PFKM: variants seen among roughly 807,000 people sequenced by gnomAD.
The protein encoded by PFKM is phosphofructokinase, muscle.
PFKM carries 58 observed loss-of-function variants against 95.5 expected under a neutral mutation model. That is an observed-to-expected ratio of 0.61 (90% CI 0.49 to 0.76). The LOEUF is 0.76. PFKM is among the 30% of genes least tolerant of loss of function. PFKM has a pLI of 0.00. For synonymous variants in PFKM, 336 were observed against 357.2 expected, an observed-to-expected ratio of 0.94 and a Z score of 0.67; for missense variants, 678 against 1,005.4, an observed-to-expected ratio of 0.67 and a Z score of 4.40.
chr12:48,107,574 G>A (rs1335100155), intron 2 of PFKM: 2 of 683,270 alleles, frequency 2.9e-6, no homozygotes, highest in Non-Finnish European at 5.2e-6. Context: ...AACTGACCTT[G>A]TTTATCACAT....
intron 2 of PFKM, among the ~76,000 whole-genome samples, chr12:48,126,569 T>A (rs1307243900): frequency 6.6e-6 from 1 of 152,220 alleles, no homozygotes; most frequent in Non-Finnish European, 1.5e-5. Context: ...TGTTGTTTGC[T>A]TTTGTACTGA....
chr12:48,114,978 G>T (rs986232475), upstream of PFKM, among the ~76,000 whole-genome samples: 12 of 152,152 alleles, frequency 7.9e-5, no homozygotes, highest in Admixed American at 2.6e-4. Context: ...AGGGTGGAAG[G>T]TTGCCCATAG....
At chr12:48,133,991 G>A (rs941277659) in intron 6 of PFKM, among the ~76,000 whole-genome samples, 4 of 152,062 alleles carry the variant, frequency 2.6e-5, no homozygotes, top group African/African-American at 7.3e-5. Context: ...TCCCTGACCC[G>A]GTTCCTCCCT....
chr12:48,123,944 A>G (rs549667653), intron 2 of PFKM, among the ~76,000 whole-genome samples: 20 of 152,332 alleles, frequency 1.3e-4, no homozygotes, highest in African/African-American at 4.3e-4. Flanking sequence ...TGAACTCTTT[A>G]TTTAAGTAAG....
chr12:48,117,669 T>C (rs182373611), upstream of PFKM, among the ~76,000 whole-genome samples: 19 of 152,346 alleles, frequency 1.2e-4, no homozygotes, highest in Middle Eastern at 3.4e-3. Flanking sequence ...AGGTATTTTC[T>C]TTTTATTGTC....
intron 2 of PFKM, chr12:48,125,398 G>C: frequency 2.3e-6 from 1 of 434,344 alleles, no homozygotes; most frequent in Non-Finnish European, 4.6e-6. Context: ...GAGGCGGGCA[G>C]ATCACCCGAG....
intron 2 of PFKM, 106 bp downstream of exon 2, chr12:48,122,965 G>A (rs1948439257): frequency 1.7e-6 from 2 of 1,173,600 alleles, no homozygotes. Context: ...CGGGAATTTT[G>A]GGCTTTGCTA....
chr12:48,144,718 AG>A lies in PFKM; in HGVS notation c.1993-309del, dbSNP rs199644610. Reference sequence around the variant, plus strand: ...ATCAACAAAAGCTGCTGGGCTGAAGAGGGGCAGGCAGCTGACCCATTGGCCA... The same window carrying A: ...ATCAACAAAAGCTGCTGGGCTGAAGAGGGCAGGCAGCTGACCCATTGGCCA... On this transcript the variant is annotated intron_variant, in intron 20 of 22. Transcript: ENST00000359794. Among the ~76,000 whole-genome samples the A allele has an allele frequency of 4.3e-3, 649 of 152,350 alleles. 4 individuals are homozygous for A. Among genetic ancestry groups the A allele is most frequent in the Non-Finnish European group, 6.0e-3 (411 of 68,028 alleles).
chr12:48,115,970 A>T (rs914794657), upstream of PFKM, among the ~76,000 whole-genome samples: 3 of 152,168 alleles, frequency 2.0e-5, no homozygotes, highest in Admixed American at 1.3e-4. Flanking sequence ...GGAATTGCTA[A>T]TTAATATGAT....
At chr12:48,106,360 T>C (rs1176829903) in intron 1 of PFKM, 1 of 490,410 alleles carries the variant, frequency 2.0e-6, no homozygotes, top group Non-Finnish European at 3.6e-6. Context: ...TCTGCTCCCT[T>C]ACCCGCCGCC....
intron 3 of PFKM, among the ~76,000 whole-genome samples, chr12:48,111,953 T>C (rs1027918015): frequency 1.3e-5 from 2 of 151,984 alleles, no homozygotes; most frequent in Non-Finnish European, 1.5e-5. Context: ...GAGTTGAGCA[T>C]AGTTTGTGAT....
chr12:48,142,127 G>T, intron 17 of PFKM, 61 bp downstream of exon 17: 1 of 1,498,006 alleles, frequency 6.7e-7, no homozygotes, highest in Non-Finnish European at 9.3e-7. Context: ...TAAACTGAGT[G>T]TGGTCCCAAA....
Position 48,145,442 on chromosome 12 carries a change from T to A in PFKM, c.2199-122T>A. The stretch of plus-strand genomic sequence containing the variant: ...AGTAACACCTGTATTCTTACCCATT[T>A]CAGATGTGATGCACATGTCCTAAAT... On this transcript the variant is annotated intron_variant, in intron 22 of 22. Transcript: ENST00000359794. The surrounding 1 kb of genome is among the most constrained non-coding windows in gnomAD (Gnocchi z 4.3). 7.7e-7 allele frequency: 1 copy of A among 1,306,004 alleles called. No individual in the cohort carries two copies. Among genetic ancestry groups the A allele is most frequent in the Middle Eastern group, 1.8e-4 (1 of 5,414 alleles). The allele number at this position is 1,306,004 out of a possible 1,614,324, so 80.9% of individuals were successfully genotyped here. A position where few individuals can be genotyped will look rare whatever the true frequency, so the allele number is the denominator to read the frequency against.
At chr12:48,139,998 A>G (rs1284649191) in intron 13 of PFKM, 86 bp downstream of exon 13, 3 of 895,758 alleles carry the variant, frequency 3.3e-6, no homozygotes, top group African/African-American at 3.3e-5. Flanking sequence ...TCCATACAAC[A>G]TAAGCCTTGC....
At chr12:48,109,222 A>G (rs1344140326) in intron 3 of PFKM, among the ~76,000 whole-genome samples, 1 of 152,242 alleles carries the variant, frequency 6.6e-6, no homozygotes, top group Non-Finnish European at 1.5e-5. Context: ...GTAGGGTTCA[A>G]AATAACTTTG....
At chr12:48,109,519 T>C (rs939869241) in intron 3 of PFKM, among the ~76,000 whole-genome samples, 8 of 152,210 alleles carry the variant, frequency 5.3e-5, no homozygotes, top group Non-Finnish European at 1.0e-4. Flanking sequence ...GATTATTTCT[T>C]ATTTGCCCTC....
At chr12:48,129,557 G>A (rs968533950) in intron 2 of PFKM, among the ~76,000 whole-genome samples, 1 of 152,182 alleles carries the variant, frequency 6.6e-6, no homozygotes, top group Admixed American at 6.5e-5. Context: ...CTTGGTCACA[G>A]CCTCTTCTGG....
intron 4 of PFKM, chr12:48,131,670 T>G (rs534250298): frequency 5.3e-5 from 25 of 471,180 alleles, no homozygotes; most frequent in Non-Finnish European, 6.6e-5. Flanking sequence ...TAAGCAGATC[T>G]TACTCTAGGG....
chr12:48,123,392 A>G (rs999795032), intron 2 of PFKM, among the ~76,000 whole-genome samples: 1 of 152,176 alleles, frequency 6.6e-6, no homozygotes, highest in Non-Finnish European at 1.5e-5. Flanking sequence ...GCAGTTAATC[A>G]ATACAGATCC....
Sources: gnomAD v4.1 joint callset for allele counts (sites outside exome capture counted in the v4.1 genomes callset) on GRCh38, gnomAD v4.1.1 for gene constraint, Gnocchi (gnomAD v3.1) non-coding constraint, MANE v1.5 for transcripts, NCBI Gene and HGNC (gene_info 2026-07-23, HGNC 2026-07-21) for gene names.